PIK3C2G: variants seen among roughly 807,000 people sequenced by gnomAD.
PIK3C2G encodes the protein phosphatidylinositol-4-phosphate 3-kinase catalytic subunit type 2 gamma, also known as phosphatidylinositol 3-kinase C2 domain-containing subunit gamma.
Under a neutral mutation model 181.1 loss-of-function variants are expected in PIK3C2G, and 168 were observed. That is an observed-to-expected ratio of 0.93 (90% CI 0.82 to 1.05). The LOEUF is 1.05. Ranked by LOEUF, PIK3C2G falls within the 50% of genes least tolerant of loss-of-function variation. PIK3C2G has a pLI of 0.00. For missense variants in PIK3C2G, 1,869 were observed against 1,732.8 expected (o/e 1.08, Z -1.40); for synonymous variants, 573 against 592.2 (o/e 0.97, Z 0.47).
Position 18,414,643 on chromosome 12 carries a change from G to A in PIK3C2G, c.2316-6298G>A, listed in dbSNP as rs12227644. Among the ~76,000 whole-genome samples, 26 of 151,638 alleles carry A rather than the reference G, an allele frequency of 1.7e-4. No individual in the cohort carries two copies. The East Asian group carries it at 3.1e-3, about 18-fold the overall frequency. ...CATACACATACATATCTTCACACAC[G>A]TCACTCATCATATTCTTAAAATAAA... On this transcript the variant is annotated intron_variant, in intron 16 of 32. Coordinates refer to ENST00000538779, the MANE Select transcript of PIK3C2G (RefSeq NM_001288772.2).
At chr12:18,513,421 T>C (rs1247389374) in intron 24 of PIK3C2G, among the ~76,000 whole-genome samples, 1 of 151,586 alleles carries the variant, frequency 6.6e-6, no homozygotes, top group Non-Finnish European at 1.5e-5. Context: ...AGCTGTCCAG[T>C]TGTGGGCTTT....
At position 18,454,944 on chromosome 12, in the gene PIK3C2G, G is replaced by T. The variant is rs543034519; in HGVS notation, c.2504+30905G>T. Among the ~76,000 whole-genome samples the T allele has an allele frequency of 7.2e-5, 11 of 152,218 alleles. No homozygotes were observed. In the South Asian group the frequency reaches 2.3e-3, roughly 32 times the overall value. Reference sequence around the variant, plus strand: ...CAGGAATTCAGGTACCCCTTAGCTGGGTTCTCTCCTCCAGGGTTTTTCTCT... The same window carrying T: ...CAGGAATTCAGGTACCCCTTAGCTGTGTTCTCTCCTCCAGGGTTTTTCTCT... On this transcript the variant is annotated intron_variant, in intron 18 of 32. Transcript: ENST00000538779.
intron 15 of PIK3C2G, among the ~76,000 whole-genome samples, chr12:18,397,403 T>C (rs1592153409): frequency 6.6e-6 from 1 of 152,040 alleles, no homozygotes; most frequent in East Asian, 1.9e-4. Flanking sequence ...AACATTTATA[T>C]GGCAAAATTT....
rs527332298 is a variant in PIK3C2G at position 18,293,567 on chromosome 12, G to A, written c.920-334G>A. 2.3e-4 allele frequency among the ~76,000 whole-genome samples: 35 copies of A among 152,248 alleles called. No homozygotes were observed. In the South Asian group the frequency reaches 6.6e-3, roughly 29 times the overall value. On this transcript the variant is annotated intron_variant, in intron 4 of 32. Coordinates refer to ENST00000538779, the MANE Select transcript of PIK3C2G (RefSeq NM_001288772.2). ...TTTGCCTGGCTATACCCAAGTTCCT[G>A]AGTGTATTTCCCAAGTCCCTAAGAG...
At chr12:18,561,250 A>G (rs374455367) in intron 26 of PIK3C2G, among the ~76,000 whole-genome samples, 59 of 152,356 alleles carry the variant, frequency 3.9e-4, no homozygotes, top group African/African-American at 1.3e-3. Context: ...TACATACTAT[A>G]TGATAGAGTT....
At chr12:18,684,144 A>G in the PIK3C2G span, 1 of 1,611,846 alleles carries the variant, frequency 6.2e-7, no homozygotes, top group East Asian at 2.2e-5. Context: ...GTTCATGCAT[A>G]GAAGTGGCAA....
At chr12:18,292,227 A>AAAAAATATAT in intron 4 of PIK3C2G, among the ~76,000 whole-genome samples, 16 of 48,726 alleles carry the variant, frequency 3.3e-4, no homozygotes, top group African/African-American at 1.5e-3. Context: ...AAAAAAAAAA[A>AAAAAATATAT]ATATATATAT....
chr12:18,449,696 C>A (rs1284796553), intron 18 of PIK3C2G, among the ~76,000 whole-genome samples: 2 of 152,182 alleles, frequency 1.3e-5, no homozygotes, highest in Non-Finnish European at 2.9e-5. Flanking sequence ...TTTATCCAGT[C>A]TATCATTGAT....
chr12:18,700,510 T>TACAAAAA, the PIK3C2G span, among the ~76,000 whole-genome samples: 1 of 2,808 alleles, frequency 3.6e-4, no homozygotes, highest in Admixed American at 5.0e-3. Flanking sequence ...AGAGCCAACG[T>TACAAAAA]ACAAAAAAAA....
chr12:18,369,491 A>G (rs1408076775), intron 12 of PIK3C2G, among the ~76,000 whole-genome samples: 1 of 135,044 alleles, frequency 7.4e-6, no homozygotes, highest in East Asian at 2.3e-4. Flanking sequence ...TATAATTGAC[A>G]TATGATCATA....
chr12:18,321,544 C>A (rs138380287), intron 7 of PIK3C2G, among the ~76,000 whole-genome samples: 1 of 152,146 alleles, frequency 6.6e-6, no homozygotes, highest in African/African-American at 2.4e-5. Context: ...AGACTTATTG[C>A]GTAGCTAAAC....
the PIK3C2G span, among the ~76,000 whole-genome samples, chr12:18,667,454 A>T: frequency 2.0e-5 from 3 of 152,178 alleles, no homozygotes; most frequent in Non-Finnish European, 2.9e-5. Flanking sequence ...AGTCTTTGAC[A>T]ACACTAAGTA....
At chr12:18,621,898 A>G (rs1167611786) in intron 31 of PIK3C2G, among the ~76,000 whole-genome samples, 3 of 151,754 alleles carry the variant, frequency 2.0e-5, no homozygotes, top group Non-Finnish European at 4.4e-5. Context: ...CACGTTGGAA[A>G]GATTATTCTA....
chr12:18,725,587 C>A, the PIK3C2G span, among the ~76,000 whole-genome samples: 1 of 152,250 alleles, frequency 6.6e-6, no homozygotes, highest in Non-Finnish European at 1.5e-5. Context: ...AAAGTTCTCA[C>A]TGTACCTCCT....
At chr12:18,654,606 A>G in the PIK3C2G span, among the ~76,000 whole-genome samples, 1 of 152,186 alleles carries the variant, frequency 6.6e-6, no homozygotes, top group East Asian at 1.9e-4. Flanking sequence ...AAATATTTGG[A>G]AAATTTGTGG....
At chr12:18,578,132 A>G (rs1014052159) in intron 29 of PIK3C2G, among the ~76,000 whole-genome samples, 6 of 152,170 alleles carry the variant, frequency 3.9e-5, no homozygotes, top group African/African-American at 1.4e-4. Flanking sequence ...TTGCATTTCA[A>G]TAATTCTAGT....
At chr12:18,724,864 G>C in the PIK3C2G span, among the ~76,000 whole-genome samples, 2 of 151,958 alleles carry the variant, frequency 1.3e-5, no homozygotes, top group African/African-American at 4.8e-5. Context: ...AAAAAATTAT[G>C]GTTCTACTGA....
At chr12:18,717,208 A>T in the PIK3C2G span, among the ~76,000 whole-genome samples, 2 of 152,112 alleles carry the variant, frequency 1.3e-5, no homozygotes, top group Non-Finnish European at 2.9e-5. Flanking sequence ...TCTAAATATA[A>T]CTGCTTTAAT....
chr12:18,332,478 C>G (rs1439154416), intron 8 of PIK3C2G, among the ~76,000 whole-genome samples: 1 of 152,044 alleles, frequency 6.6e-6, no homozygotes, highest in Non-Finnish European at 1.5e-5. Flanking sequence ...ACATGGCGGC[C>G]AAACTCTGCC....
Sources: gnomAD v4.1 joint callset for allele counts (sites outside exome capture counted in the v4.1 genomes callset) on GRCh38, gnomAD v4.1.1 for gene constraint, MANE v1.5 for transcripts, NCBI Gene and HGNC (gene_info 2026-07-23, HGNC 2026-07-21) for gene names.